The following FNBP1 variants were observed in gnomAD, a reference collection of about 807,000 sequenced individuals.
FNBP1 encodes the protein formin-binding protein 1.
In FNBP1, 26 loss-of-function variants were observed where a neutral mutation model predicts 90.6. The ratio of observed to expected loss-of-function variants is 0.29; its 90% CI spans 0.21 to 0.40. The LOEUF is 0.40. FNBP1 is among the 10% of genes least tolerant of loss of function. The pLI is 1.00. For missense variants in FNBP1, 635 were observed against 768.0 expected, an observed-to-expected ratio of 0.83 and a Z score of 2.05; for synonymous variants, 260 against 265.2, an observed-to-expected ratio of 0.98 and a Z score of 0.19.
intron 10 of FNBP1, among the ~76,000 whole-genome samples, chr9:129,917,630 C>T (rs1175541156): frequency 6.6e-6 from 1 of 152,194 alleles, no homozygotes; most frequent in Non-Finnish European, 1.5e-5. Context: ...CCACCACACA[C>T]AGCCTAAAAA....
At chr9:129,968,209 A>T (rs931962423) in intron 4 of FNBP1, among the ~76,000 whole-genome samples, 1 of 152,116 alleles carries the variant, frequency 6.6e-6, no homozygotes, top group African/African-American at 2.4e-5. Flanking sequence ...AGCCTAGTCA[A>T]CATGGTGAAA....
chr9:129,939,371 A>G (rs547697817), intron 6 of FNBP1, among the ~76,000 whole-genome samples: 1 of 151,788 alleles, frequency 6.6e-6, no homozygotes, highest in African/African-American at 2.4e-5. Flanking sequence ...CCTGGGCAAC[A>G]AGAGCAAGCC....
the FNBP1 span, chr9:130,053,439 T>C: frequency 6.1e-6 from 1 of 164,164 alleles, no homozygotes; most frequent in South Asian, 1.3e-4. Flanking sequence ...ATTGCAACCA[T>C]TTCGCTTGTA....
At chr9:130,021,469 A>C (rs1054416800) in intron 1 of FNBP1, among the ~76,000 whole-genome samples, 1 of 152,228 alleles carries the variant, frequency 6.6e-6, no homozygotes, top group Admixed American at 6.5e-5. Flanking sequence ...GAAGTCTACC[A>C]TTAGCCAACT....
intron 4 of FNBP1, among the ~76,000 whole-genome samples, chr9:129,960,510 TATAAAG>T (rs1216046113): frequency 2.6e-5 from 4 of 152,054 alleles, no homozygotes; most frequent in Non-Finnish European, 5.9e-5. Context: ...TTATTTTAAA[TATAAAG>T]ATAAATTTCC....
At position 129,957,830 on chromosome 9, in the gene FNBP1, G is replaced by A. The variant is rs910117694; in HGVS notation, c.409-366C>T. Among the ~76,000 whole-genome samples, 6 of 152,190 alleles carry A rather than the reference G, an allele frequency of 3.9e-5. No individual in the cohort carries two copies. Among genetic ancestry groups the A allele is most frequent in the Non-Finnish European group, 7.3e-5 (5 of 68,040 alleles). ...TGCCTCCCAAATTGCTGGGATTACA[G>A]GCGTGAGCCAATGTGTCTGGCCCAA... On this transcript the variant is annotated intron_variant, in intron 5 of 16. Transcript: ENST00000446176. This position sits in a 1 kb window ranked among gnomAD's most constrained non-coding sequence, Gnocchi z 4.3.
rs2059896918 is a variant in FNBP1, at chr9:130,042,293, T to C, written c.24+659A>G. On this transcript the variant is annotated intron_variant, in intron 1 of 16. Coordinates refer to ENST00000446176, the MANE Select transcript of FNBP1 (RefSeq NM_015033.3). The surrounding 1 kb of genome is among the most constrained non-coding windows in gnomAD (Gnocchi z 5.5). The stretch of plus-strand genomic sequence containing the variant: ...AGGTAGATCACGTAAGATCTCTCCC[T>C]AACTCCCACTTTCCCCTCCAGACCA... 6.6e-6 allele frequency among the ~76,000 whole-genome samples: 1 copy of C among 152,106 alleles called. No homozygotes were observed. Among genetic ancestry groups the C allele is most frequent in the African/African-American group, 2.4e-5 (1 of 41,434 alleles).
At chr9:129,985,415 G>C (rs2052005543) in intron 2 of FNBP1, among the ~76,000 whole-genome samples, 1 of 152,190 alleles carries the variant, frequency 6.6e-6, no homozygotes, top group Non-Finnish European at 1.5e-5. Flanking sequence ...GAAACAAGGA[G>C]AGTAATTTAA....
chr9:129,989,336 G>A (rs1220090578), intron 2 of FNBP1, among the ~76,000 whole-genome samples: 1 of 152,194 alleles, frequency 6.6e-6, no homozygotes, highest in African/African-American at 2.4e-5. Context: ...CCTAGTGATT[G>A]AAACTCGGCT....
At chr9:129,960,398 A>AAAAAAAG (rs2047626348) in intron 4 of FNBP1, among the ~76,000 whole-genome samples, 1 of 132,086 alleles carries the variant, frequency 7.6e-6, no homozygotes, top group African/African-American at 2.6e-5. Context: ...AAAAAAAAAA[A>AAAAAAAG]AAAAAGAAAA....
At chr9:130,037,994 A>G (rs1415314531) in intron 1 of FNBP1, among the ~76,000 whole-genome samples, 1 of 152,178 alleles carries the variant, frequency 6.6e-6, no homozygotes, top group Non-Finnish European at 1.5e-5. Context: ...GATCAGGGTC[A>G]ACATATTCAA....
intron 7 of FNBP1, among the ~76,000 whole-genome samples, chr9:129,927,595 T>C (rs1202512995): frequency 6.6e-6 from 1 of 152,022 alleles, no homozygotes; most frequent in Non-Finnish European, 1.5e-5. Flanking sequence ...CCAAACTCAA[T>C]AGTTCTTTTT....
rs57433578 is a variant in FNBP1, at chr9:129,955,835, GCACACACACACA to G, written c.513+1513_513+1524del. Among the ~76,000 whole-genome samples, 8 of 140,624 alleles carry G rather than the reference GCACACACACACA, an allele frequency of 5.7e-5. No individual in the cohort carries two copies. The South Asian group carries it at 6.6e-4, about 12-fold the overall frequency. The allele number at this position is 140,624 out of a possible 152,430, so 92.3% of individuals were successfully genotyped here. On this transcript the variant is annotated intron_variant, in intron 6 of 16. Coordinates refer to ENST00000446176, the MANE Select transcript of FNBP1 (RefSeq NM_015033.3). ...TATACATATATACTTCTTTTAGCGC[GCACACACACACA>G]CACACACACACACACATATATGAAT...
intron 1 of FNBP1, among the ~76,000 whole-genome samples, chr9:130,038,767 T>G (rs569386953): frequency 5.3e-5 from 8 of 152,188 alleles, no homozygotes; most frequent in Non-Finnish European, 8.8e-5. Context: ...TTCTTGTACA[T>G]ACTTCATTTC....
Position 129,970,226 on chromosome 9 carries a change from A to T in FNBP1, c.345+8239T>A, listed in dbSNP as rs537800054. Among the ~76,000 whole-genome samples the T allele has an allele frequency of 1.7e-3, 228 of 136,298 alleles. 1 individual carries two copies. Among genetic ancestry groups the T allele is most frequent in the Middle Eastern group, 5.4e-3 (1 of 186 alleles). The allele number at this position is 136,298 out of a possible 152,430, so 89.4% of individuals were successfully genotyped here. ...GGCCTTTTATTTTATTATTTTTTTT[A>T]GACTGAGTCCTGTCTGTCACCCAGG... On this transcript the variant is annotated intron_variant, in intron 4 of 16. Transcript: ENST00000446176.
intron 6 of FNBP1, among the ~76,000 whole-genome samples, chr9:129,934,606 C>G (rs568406726): frequency 2.1e-3 from 314 of 150,196 alleles, no homozygotes; most frequent in Middle Eastern, 0.017. Context: ...GAGTCTCACT[C>G]TGTCGCCCAG....
chr9:130,036,950 C>T (rs988543426), intron 1 of FNBP1, among the ~76,000 whole-genome samples: 27 of 150,792 alleles, frequency 1.8e-4, no homozygotes, highest in African/African-American at 6.1e-4. Context: ...GAGGCTGAGG[C>T]GGGAGAATGG....
At chr9:129,960,249 G>C (rs7847991) in intron 4 of FNBP1, among the ~76,000 whole-genome samples, 144,073 of 151,668 alleles carry the variant, frequency 0.95, 68,619 homozygotes, top group East Asian at 0.99. Context: ...TGGTGGCGTG[G>C]ACCTGTAATC....
chr9:129,919,243 C>T (rs1391610949), intron 10 of FNBP1: 1 of 1,290,472 alleles, frequency 7.7e-7, no homozygotes, highest in South Asian at 1.2e-5. Flanking sequence ...AAGACTGAGT[C>T]TGCCAATAAC....
Sources: gnomAD v4.1 joint callset for allele counts (sites outside exome capture counted in the v4.1 genomes callset) on GRCh38, gnomAD v4.1.1 for gene constraint, Gnocchi (gnomAD v3.1) non-coding constraint, MANE v1.5 for transcripts, NCBI Gene and HGNC (gene_info 2026-07-23, HGNC 2026-07-21) for gene names.